ADD2: variants seen among roughly 807,000 people sequenced by gnomAD.
ADD2 encodes beta-adducin.
Under a neutral mutation model 83.0 loss-of-function variants are expected in ADD2, and 23 were observed. The observed-to-expected ratio is 0.28, with a 90% CI of 0.20 to 0.39. The LOEUF is 0.39. Ranked by LOEUF, ADD2 falls within the 10% of genes least tolerant of loss-of-function variation. The probability of loss-of-function intolerance (pLI) is 1.00; values close to 1 mark genes in which losing one functional copy is unlikely to be tolerated. For synonymous variants in ADD2, 375 were observed against 375.4 expected, an observed-to-expected ratio of 1.00 and a Z score of 0.01; for missense variants, 758 against 944.9, an observed-to-expected ratio of 0.80 and a Z score of 2.59.
chr2:70,745,932 G>A (rs1483166312), intron 1 of ADD2, among the ~76,000 whole-genome samples: 7 of 152,144 alleles, frequency 4.6e-5, no homozygotes, highest in Admixed American at 4.6e-4. Flanking sequence ...AATAAGGACT[G>A]TTTTTATCTA....
In ADD2 at chr2:70,688,079, G is replaced by T; in HGVS notation, c.893C>A (p.Thr298Lys). ...GATCTTGTAAAATGCCTCCTCTACC[G>T]TGTCACCCAGAGCAACCACTCCATG... ...RNHGVVALGDTVEEAFYKIFH... is the reference protein window; with the variant it reads ...RNHGVVALGDKVEEAFYKIFH... The change falls in exon 9 of 16, where the codon ACG becomes AAG. Residue 298 changes from threonine (T) to lysine (K), a missense_variant. Physicochemically the swap from Thr to Lys is moderately conservative, Grantham distance 78. Around this residue, in one of 5 missense-constraint regions of ADD2, gnomAD observed 394 missense variants for 509.3 expected, o/e 0.77. Transcript: ENST00000264436. The T allele has an allele frequency of 1.2e-6, 2 of 1,614,124 alleles. No individual in the cohort carries two copies. Among genetic ancestry groups the T allele is most frequent in the South Asian group, 1.1e-5 (1 of 91,082 alleles).
intron 1 of ADD2, among the ~76,000 whole-genome samples, chr2:70,747,495 G>C (rs115328012): frequency 6.9e-6 from 1 of 143,996 alleles, no homozygotes; most frequent in African/African-American, 2.7e-5. Context: ...TCCATCATGC[G>C]TGTGCTCTCC....
intron 4 of ADD2, among the ~76,000 whole-genome samples, chr2:70,698,870 T>C (rs1348868850): frequency 6.6e-5 from 10 of 151,996 alleles, no homozygotes; most frequent in African/African-American, 2.4e-4. Flanking sequence ...CTCACCATGG[T>C]CCCTGAAAGC....
In ADD2 at chr2:70,676,019, A is replaced by G. The variant is rs939733788; in HGVS notation, c.1593+777T>C. ...TACAACTTTCACACTTCTCCTGCCA[A>G]TGGGCACCCACCCTGTGGGCTGCAG... On this transcript the variant is annotated intron_variant, in intron 13 of 15. Transcript: ENST00000264436. This position sits in a 1 kb window ranked among gnomAD's most constrained non-coding sequence, Gnocchi z 4.8. 38 of 985,324 alleles carry G rather than the reference A, an allele frequency of 3.9e-5. No homozygotes were observed. Among genetic ancestry groups the G allele is most frequent in the Admixed American group, 3.1e-4 (5 of 16,270 alleles). 61.0% of individuals were successfully genotyped at this position (985,324 alleles called of 1,614,324 possible).
At chr2:70,664,826 ATTGT>A (rs1164473358) in intron 15 of ADD2, among the ~76,000 whole-genome samples, 1 of 150,984 alleles carries the variant, frequency 6.6e-6, no homozygotes, top group Admixed American at 6.6e-5. Flanking sequence ...TGCAAGTGAG[ATTGT>A]TTGCCATGAG....
chr2:70,747,007 A>ATT (rs34113265), intron 1 of ADD2, among the ~76,000 whole-genome samples: 9,186 of 121,170 alleles, frequency 0.076, 731 homozygotes, highest in East Asian at 0.16. Context: ...TCCAATATGG[A>ATT]TTTTTTTTTT....
At chr2:70,680,397 G>C (rs1373594048) in intron 10 of ADD2, among the ~76,000 whole-genome samples, 1 of 152,102 alleles carries the variant, frequency 6.6e-6, no homozygotes, top group African/African-American at 2.4e-5. Flanking sequence ...CATCCATTCT[G>C]CTAGTGCCAC....
intron 11 of ADD2, among the ~76,000 whole-genome samples, 160 bp from the exon 12 acceptor site, chr2:70,678,037 C>T (rs1670265561): frequency 6.6e-6 from 1 of 152,164 alleles, no homozygotes; most frequent in Admixed American, 6.5e-5. Flanking sequence ...TGTCTGTCTC[C>T]AGGAGCAGAG....
chr2:70,726,654 T>C (rs977136327), intron 1 of ADD2, among the ~76,000 whole-genome samples: 2 of 152,206 alleles, frequency 1.3e-5, no homozygotes, highest in Non-Finnish European at 2.9e-5. Context: ...AGGACTTTTG[T>C]GTTAATGCTT....
At chr2:70,728,970 T>C (rs1360098446) in intron 1 of ADD2, among the ~76,000 whole-genome samples, 1 of 152,268 alleles carries the variant, frequency 6.6e-6, no homozygotes, top group African/African-American at 2.4e-5. Flanking sequence ...CGGCAAACTC[T>C]CAAAGATACG....
chr2:70,755,246 C>A (rs190446381), intron 1 of ADD2, among the ~76,000 whole-genome samples: 1 of 152,322 alleles, frequency 6.6e-6, no homozygotes, highest in African/African-American at 2.4e-5. Context: ...ACTCCCTCTT[C>A]GCTCCACTCT....
chr2:70,704,834 T>G (rs879949100), intron 3 of ADD2, among the ~76,000 whole-genome samples: 1 of 152,182 alleles, frequency 6.6e-6, no homozygotes, highest in Admixed American at 6.5e-5. Flanking sequence ...TCCCTCTCCA[T>G]TAGCGATGCC....
At chr2:70,699,825 A>G (rs4852222) in intron 4 of ADD2, among the ~76,000 whole-genome samples, 101,441 of 152,066 alleles carry the variant, frequency 0.67, 34,117 homozygotes, top group African/African-American at 0.75. Context: ...TGGCTCCAAA[A>G]AGGTAAAAAT....
chr2:70,668,866 G>T (rs551922737), intron 15 of ADD2, among the ~76,000 whole-genome samples: 2 of 152,294 alleles, frequency 1.3e-5, no homozygotes, highest in South Asian at 4.1e-4. Flanking sequence ...CCAGTGGAGG[G>T]CCTAGAAACA....
At chr2:70,679,704 A>C (rs1670362571) in intron 10 of ADD2, among the ~76,000 whole-genome samples, 1 of 152,104 alleles carries the variant, frequency 6.6e-6, no homozygotes, top group Admixed American at 6.5e-5. Context: ...AATTAAAAAA[A>C]ATAAGGAAAA....
chr2:70,727,144 T>C (rs573244542), intron 1 of ADD2, among the ~76,000 whole-genome samples: 25 of 152,332 alleles, frequency 1.6e-4, no homozygotes, highest in Admixed American at 1.5e-3. Context: ...GTGTCTGCCA[T>C]AGACTCGGAG....
chr2:70,732,195 G>A (rs3755353), intron 1 of ADD2, among the ~76,000 whole-genome samples: 53,193 of 151,970 alleles, frequency 0.35, 9,425 homozygotes, highest in Middle Eastern at 0.42. Flanking sequence ...GAAGTTGTAC[G>A]AAAATATATA....
In ADD2 at chr2:70,704,363, T is replaced by C. The variant is rs375788086; in HGVS notation, c.280A>G (p.Met94Val). 79 of 1,592,098 alleles carry C rather than the reference T, an allele frequency of 5.0e-5. No individual in the cohort carries two copies. Among genetic ancestry groups the C allele is most frequent in the Non-Finnish European group, 6.8e-5 (79 of 1,167,868 alleles). The change falls in exon 4 of 16, where the codon ATG becomes GTG. Residue 94 changes from methionine to valine, a missense_variant. Physicochemically the swap from Met to Val is conservative, Grantham distance 21 (BLOSUM62 1). Around this residue, in one of 5 missense-constraint regions of ADD2, gnomAD observed 175 missense variants for 192.1 expected, o/e 0.91. Coordinates refer to ENST00000264436, the MANE Select transcript of ADD2 (RefSeq NM_001617.4). ...IWALRQIADFMASTSHAVFPT... is the reference protein window; with the variant it reads ...IWALRQIADFVASTSHAVFPT... The stretch of plus-strand genomic sequence containing the variant: ...AAGACTGCGTGGGAGGTGCTGGCCA[T>C]GAAGTCCGCGATCTGTCGCAGGGCC...
At chr2:70,664,414 G>T (rs781812448) in intron 15 of ADD2, among the ~76,000 whole-genome samples, 3 of 152,140 alleles carry the variant, frequency 2.0e-5, no homozygotes, top group African/African-American at 4.8e-5. Context: ...AGTTACTCAG[G>T]CCCCAGAAAC....
Sources: gnomAD v4.1 joint callset for allele counts (sites outside exome capture counted in the v4.1 genomes callset) on GRCh38, gnomAD v4.1.1 for gene constraint, gnomAD v4.1.1 regional missense constraint, Gnocchi (gnomAD v3.1) non-coding constraint, MANE v1.5 for transcripts, NCBI Gene and HGNC (gene_info 2026-07-23, HGNC 2026-07-21) for gene names.